Variants in ERBB4 observed in about 807,000 individuals in gnomAD.
The protein encoded by ERBB4 is erb-b2 receptor tyrosine kinase 4.
In ERBB4, 42 loss-of-function variants were observed where a neutral mutation model predicts 158.0. That is an observed-to-expected ratio of 0.27 (90% CI 0.21 to 0.34). The LOEUF (loss-of-function observed/expected upper bound fraction) is 0.34. ERBB4 is among the 10% of genes least tolerant of loss of function. ERBB4 has a pLI of 1.00. For synonymous variants in ERBB4, 583 were observed against 558.7 expected, an observed-to-expected ratio of 1.04 and a Z score of -0.61; for missense variants, 1,333 against 1,624.1, an observed-to-expected ratio of 0.82 and a Z score of 3.08.
intron 1 of ERBB4, among the ~76,000 whole-genome samples, chr2:212,209,940 G>A (rs2082880881): frequency 6.6e-6 from 1 of 151,988 alleles, no homozygotes; most frequent in Admixed American, 6.6e-5. Context: ...TTGCTTGACT[G>A]ACCTGCATTG....
chr2:211,720,746 T>A (rs1050583209), intron 7 of ERBB4, among the ~76,000 whole-genome samples: 14 of 152,200 alleles, frequency 9.2e-5, no homozygotes, highest in African/African-American at 3.4e-4. Flanking sequence ...TAGAACAGTT[T>A]ATCCTTCTGT....
Position 212,373,997 on chromosome 2 carries a change from CATATATATATATCCATATATATCCAT to C in ERBB4, c.82+164426_82+164451del, listed in dbSNP as rs2090217897. On this transcript the variant is annotated intron_variant, in intron 1 of 27. Transcript: ENST00000342788. ...CCATATATATATATCCATATATATC[CATATATATATATCCATATATATCCAT>C]ATATATATATCCATATATATCCATA... Among the ~76,000 whole-genome samples, 4 of 88,226 alleles carry C rather than the reference CATATATATATATCCATATATATCCAT, an allele frequency of 4.5e-5. 1 individual carries two copies. Among genetic ancestry groups the C allele is most frequent in the Non-Finnish European group, 7.1e-5 (3 of 42,010 alleles). The allele number at this position is 88,226 out of a possible 152,430, so 57.9% of individuals were successfully genotyped here.
chr2:212,192,243 A>G (rs2082296167), intron 1 of ERBB4, among the ~76,000 whole-genome samples: 1 of 149,474 alleles, frequency 6.7e-6, no homozygotes, highest in African/African-American at 2.4e-5. Context: ...TAATTTCTAA[A>G]TGCTAATTTC....
intron 3 of ERBB4, among the ~76,000 whole-genome samples, chr2:211,844,359 C>T (rs2077544109): frequency 6.6e-6 from 1 of 152,088 alleles, no homozygotes; most frequent in African/African-American, 2.4e-5. Context: ...ATCTTCATAA[C>T]CATGTAGATA....
In ERBB4 at chr2:212,231,310, T is replaced by C. The variant is rs375705489; in HGVS notation, c.83-106407A>G. ...CCGAAAGGAAAAAAAAAACAGGTTA[T>C]AAAACCTTTTCACTTCATTTTTGAC... On this transcript the variant is annotated intron_variant, in intron 1 of 27. Transcript: ENST00000342788. Among the ~76,000 whole-genome samples, 27 of 152,232 alleles carry C rather than the reference T, an allele frequency of 1.8e-4. 1 individual carries two copies. The East Asian group carries it at 4.4e-3, about 25-fold the overall frequency.
chr2:211,662,899 A>C (rs528286515), intron 15 of ERBB4, among the ~76,000 whole-genome samples: 1 of 152,232 alleles, frequency 6.6e-6, no homozygotes, highest in African/African-American at 2.4e-5. Flanking sequence ...ATCTGACATC[A>C]TATAGGCATA....
At chr2:212,482,916 C>T (rs548934627) in intron 1 of ERBB4, among the ~76,000 whole-genome samples, 2 of 152,320 alleles carry the variant, frequency 1.3e-5, no homozygotes, top group Non-Finnish European at 2.9e-5. Context: ...ACCACTGTGC[C>T]CACTCCCTTG....
rs534851147 is a variant in ERBB4 at position 211,948,233 on chromosome 2, G to A, written c.235-617C>T. Reference sequence around the variant, plus strand: ...GAGTGGATCATGAGGTCAAGAGATCGAGACCATTCTGGCCAACATGGTGAA... The same window carrying A: ...GAGTGGATCATGAGGTCAAGAGATCAAGACCATTCTGGCCAACATGGTGAA... On this transcript the variant is annotated intron_variant, in intron 2 of 27. Transcript: ENST00000342788. Among the ~76,000 whole-genome samples the A allele has an allele frequency of 1.4e-4, 21 of 151,886 alleles. No individual in the cohort carries two copies. The South Asian group carries it at 4.2e-3, about 30-fold the overall frequency.
At chr2:212,421,671 T>G (rs1326558825) in intron 1 of ERBB4, among the ~76,000 whole-genome samples, 2 of 152,174 alleles carry the variant, frequency 1.3e-5, no homozygotes, top group African/African-American at 2.4e-5. Flanking sequence ...TGGAAGAAGA[T>G]GGAAGATTGT....
chr2:211,878,661 T>TTTTTG (rs1336855078), intron 3 of ERBB4, among the ~76,000 whole-genome samples: 3 of 148,352 alleles, frequency 2.0e-5, no homozygotes, highest in South Asian at 2.1e-4. Flanking sequence ...AGTTTTGTTT[T>TTTTTG]TTTTTTTTTC....
At chr2:211,899,298 CTTCA>C (rs1209352166) in intron 3 of ERBB4, among the ~76,000 whole-genome samples, 1 of 152,054 alleles carries the variant, frequency 6.6e-6, no homozygotes, top group African/African-American at 2.4e-5. Context: ...ATGAAGCTAT[CTTCA>C]TTTCCTCTAT....
At chr2:212,163,318 T>C (rs1363203850) in intron 1 of ERBB4, among the ~76,000 whole-genome samples, 2 of 151,936 alleles carry the variant, frequency 1.3e-5, no homozygotes, top group South Asian at 2.1e-4. Flanking sequence ...GATATGACAA[T>C]TGAAAAAACA....
intron 2 of ERBB4, among the ~76,000 whole-genome samples, chr2:212,102,618 G>A (rs2079116735): frequency 6.6e-6 from 1 of 152,124 alleles, no homozygotes; most frequent in African/African-American, 2.4e-5. Flanking sequence ...TATACTGTTA[G>A]TCATGTATAT....
At chr2:212,290,506 T>C (rs1045476676) in intron 1 of ERBB4, among the ~76,000 whole-genome samples, 2 of 152,186 alleles carry the variant, frequency 1.3e-5, no homozygotes, top group African/African-American at 4.8e-5. Context: ...CAATAGATTC[T>C]GTGCCCTAGG....
At chr2:211,767,385 A>G (rs1050493798) in intron 4 of ERBB4, among the ~76,000 whole-genome samples, 3 of 152,208 alleles carry the variant, frequency 2.0e-5, no homozygotes, top group Admixed American at 6.5e-5. Flanking sequence ...TAAAAAATCA[A>G]TTATGGAATG....
At position 212,408,525 on chromosome 2, in the gene ERBB4, C is replaced by T. The variant is rs550208458; in HGVS notation, c.82+129924G>A. Among the ~76,000 whole-genome samples the T allele has an allele frequency of 5.9e-5, 9 of 152,170 alleles. No individual in the cohort carries two copies. The South Asian group carries it at 6.2e-4, about 11-fold the overall frequency. On this transcript the variant is annotated intron_variant, in intron 1 of 27. Coordinates refer to ENST00000342788, the MANE Select transcript of ERBB4 (RefSeq NM_005235.3). ...AGGCATGGGGCCACATGCCTGTAGT[C>T]GCAGCTACTTGGGAGGCTGAGTCAG...
chr2:211,991,965 T>C (rs1407989754), intron 2 of ERBB4, among the ~76,000 whole-genome samples: 2 of 152,042 alleles, frequency 1.3e-5, no homozygotes, highest in Non-Finnish European at 2.9e-5. Flanking sequence ...GACAGGACAA[T>C]GTGAAGCAGA....
At position 211,657,686 on chromosome 2, in the gene ERBB4, T is replaced by C. The variant is rs1422983320; in HGVS notation, c.1946+68A>G. The stretch of plus-strand genomic sequence containing the variant: ...ATATTATAAATTTAACCCAACTGGT[T>C]AGTACTTTTTGTTCATGATAACTAG... On this transcript the variant is annotated intron_variant, in intron 16 of 27. Transcript: ENST00000342788. 3.5e-6 allele frequency: 4 copies of C among 1,155,354 alleles called. No individual in the cohort carries two copies. In the African/African-American group the frequency reaches 6.1e-5, roughly 18 times the overall value. 71.6% of individuals were successfully genotyped at this position (1,155,354 alleles called of 1,614,324 possible).
chr2:211,787,068 G>T (rs2076182684), intron 4 of ERBB4, among the ~76,000 whole-genome samples: 1 of 151,994 alleles, frequency 6.6e-6, no homozygotes, highest in African/African-American at 2.4e-5. Context: ...TATTATTAGG[G>T]CCATGATGAA....
Sources: allele counts gnomAD v4.1 joint callset (sites outside exome capture counted in the v4.1 genomes callset), GRCh38; gene constraint gnomAD v4.1.1; transcripts MANE v1.5; gene names NCBI Gene and HGNC (gene_info 2026-07-23, HGNC 2026-07-21).